The following PAH variants were observed in gnomAD, a reference collection of about 807,000 sequenced individuals.
PAH encodes phenylalanine-4-hydroxylase.
A neutral mutation model predicts 62.0 loss-of-function variants in PAH; 64 were observed. That is an observed-to-expected ratio of 1.03 (90% confidence interval 0.84 to 1.27). The LOEUF (loss-of-function observed/expected upper bound fraction) is 1.27. PAH is among the 50% of genes most tolerant of loss of function. PAH has a pLI of 0.00. For synonymous variants in PAH, 195 were observed against 196.2 expected, an observed-to-expected ratio of 0.99 and a Z score of 0.05; for missense variants, 579 against 542.8, an observed-to-expected ratio of 1.07 and a Z score of -0.66.
At chr12:102,924,440 T>TA (rs1277931650) in intron 1 of PAH, among the ~76,000 whole-genome samples, 1 of 152,174 alleles carries the variant, frequency 6.6e-6, no homozygotes, top group Non-Finnish European at 1.5e-5. Flanking sequence ...ATGGAGATGT[T>TA]AGAGACAATT....
chr12:102,876,323 C>T (rs1223603916), intron 4 of PAH, among the ~76,000 whole-genome samples: 1 of 152,144 alleles, frequency 6.6e-6, no homozygotes, highest in Admixed American at 6.5e-5. Flanking sequence ...TGTAAAAGAG[C>T]CTGGATTTCT....
At chr12:102,846,046 C>A (rs1373402566) in intron 9 of PAH, among the ~76,000 whole-genome samples, 4 of 152,110 alleles carry the variant, frequency 2.6e-5, no homozygotes, top group Admixed American at 1.3e-4. Flanking sequence ...AACCCATGTT[C>A]ACAAAAATTT....
At chr12:102,846,866 C>T (rs751791725) in intron 9 of PAH, 29 bp downstream of exon 9, 7 of 1,594,954 alleles carry the variant, frequency 4.4e-6, no homozygotes, top group East Asian at 2.2e-5. Flanking sequence ...TAGCACTCCA[C>T]CATCCACCCA....
intron 3 of PAH, among the ~76,000 whole-genome samples, chr12:102,890,196 T>C (rs1383373117): frequency 6.6e-6 from 1 of 152,156 alleles, no homozygotes; most frequent in Non-Finnish European, 1.5e-5. Flanking sequence ...TGGAAAGTAG[T>C]TTAGCTTAAT....
At chr12:102,843,606 G>A (rs1254449799) in intron 11 of PAH, 40 bp downstream of exon 11, 2 of 1,612,046 alleles carry the variant, frequency 1.2e-6, no homozygotes, top group Non-Finnish European at 8.5e-7. Context: ...CCAGTCAGGA[G>A]GCCCCCAGAG....
At chr12:102,948,825 G>A (rs1879610887) in intron 1 of PAH, among the ~76,000 whole-genome samples, 1 of 152,136 alleles carries the variant, frequency 6.6e-6, no homozygotes, top group Non-Finnish European at 1.5e-5. Flanking sequence ...TGGTGGGTCT[G>A]GGATAAAGCT....
At chr12:102,866,130 C>A (rs1395995134) in intron 5 of PAH, among the ~76,000 whole-genome samples, 3 of 151,034 alleles carry the variant, frequency 2.0e-5, no homozygotes, top group Non-Finnish European at 2.9e-5. Flanking sequence ...CTGGGTCAGA[C>A]CAGATAAAAG....
At chr12:102,888,181 A>G (rs1360064250) in intron 3 of PAH, among the ~76,000 whole-genome samples, 1 of 152,092 alleles carries the variant, frequency 6.6e-6, no homozygotes, top group Admixed American at 6.6e-5. Context: ...TGCAAATTAT[A>G]TCATATAATC....
At chr12:102,895,057 A>G (rs1467810412) in intron 2 of PAH, 139 bp from the exon 3 acceptor site, 3 of 721,030 alleles carry the variant, frequency 4.2e-6, no homozygotes, top group Admixed American at 2.6e-5. Context: ...AGTATAAAAA[A>G]GTCCTTAAAT....
At position 102,843,648 on chromosome 12, in the gene PAH, T is replaced by A. The variant is rs199475584; in HGVS notation, c.1197A>T (p.Val399=). The part of the protein sequence containing the change: ...AESFNDAKEK[V]RNFAATIPRP... ...GCTCACCTTTGTCACCACCTCACCT[T>A]ACTTTCTCCTTGGCATCATTAAAAC... is the stretch of plus-strand genomic sequence containing the variant. The change falls in exon 11 of 13, where the codon GTA becomes GTT. Residue 399 remains valine (V), a splice_region_variant and synonymous_variant. Transcript: ENST00000553106. The A allele has an allele frequency of 3.1e-6, 5 of 1,613,552 alleles. No individual in the cohort carries two copies. In the East Asian group the frequency reaches 1.1e-4, roughly 36 times the overall value.
upstream of PAH, among the ~76,000 whole-genome samples, chr12:102,918,366 G>A (rs1878463498): frequency 6.6e-6 from 1 of 152,074 alleles, no homozygotes; most frequent in African/African-American, 2.4e-5. Context: ...GAAAGTAATG[G>A]GCTGTAAGAA....
intron 1 of PAH, among the ~76,000 whole-genome samples, chr12:102,926,683 T>TA: frequency 6.6e-6 from 1 of 152,050 alleles, no homozygotes; most frequent in East Asian, 1.9e-4. Context: ...GAACCACAAT[T>TA]AAAAACAAAA....
chr12:102,927,085 A>C (rs1878702916), intron 1 of PAH, among the ~76,000 whole-genome samples: 1 of 152,046 alleles, frequency 6.6e-6, no homozygotes, highest in South Asian at 2.1e-4. Flanking sequence ...TGTCATTAGG[A>C]ATAGAAGACA....
intron 6 of PAH, among the ~76,000 whole-genome samples, chr12:102,854,141 C>T (rs1015120334): frequency 6.6e-6 from 1 of 152,182 alleles, no homozygotes; most frequent in East Asian, 1.9e-4. Flanking sequence ...TGGACCCTTA[C>T]TCCCTTCTTT....
At chr12:102,931,741 G>A (rs1347777888) in intron 1 of PAH, among the ~76,000 whole-genome samples, 1 of 151,978 alleles carries the variant, frequency 6.6e-6, no homozygotes, top group African/African-American at 2.4e-5. Flanking sequence ...CTTTTTCCTT[G>A]CCCTCTTGCG....
rs868792888 is a variant in PAH, at chr12:102,855,120, C to T, written c.706+16G>A. ...CCCAACTTTCTGCAGGGCCATTGAC[C>T]CTGATGTGGACTTACTCTGCAGGAA... On this transcript the variant is annotated intron_variant, in intron 6 of 12. Coordinates refer to ENST00000553106, the MANE Select transcript of PAH (RefSeq NM_000277.3). 1 of 1,608,916 alleles carries T rather than the reference C, an allele frequency of 6.2e-7. No homozygotes were observed. Among genetic ancestry groups the T allele is most frequent in the Admixed American group, 1.7e-5 (1 of 60,026 alleles).
At chr12:102,839,525 T>C (rs144199920) in intron 12 of PAH, among the ~76,000 whole-genome samples, 9 of 152,336 alleles carry the variant, frequency 5.9e-5, no homozygotes, top group African/African-American at 2.2e-4. Context: ...CTGCATATGC[T>C]ACAAGAAGCG....
intron 2 of PAH, among the ~76,000 whole-genome samples, chr12:102,901,306 C>G (rs1300492103): frequency 6.6e-6 from 1 of 152,124 alleles, no homozygotes; most frequent in African/African-American, 2.4e-5. Flanking sequence ...TACTCACTAC[C>G]TTTGGATATA....
At position 102,863,538 on chromosome 12, in the gene PAH, T is replaced by C. The variant is rs372692849; in HGVS notation, c.509+3058A>G. 5.9e-5 allele frequency among the ~76,000 whole-genome samples: 9 copies of C among 152,298 alleles called. No homozygotes were observed. In the South Asian group the frequency reaches 1.2e-3, roughly 21 times the overall value. On this transcript the variant is annotated intron_variant, in intron 5 of 12. Transcript: ENST00000553106. ...TGTGCCTGGCTGAGAGATGGGACTATGTCCTAATCAGAGTCAGTGGACTCA... is the reference window on the plus strand; with the variant it reads ...TGTGCCTGGCTGAGAGATGGGACTACGTCCTAATCAGAGTCAGTGGACTCA...
Sources: gnomAD v4.1 joint callset for allele counts (sites outside exome capture counted in the v4.1 genomes callset) on GRCh38, gnomAD v4.1.1 for gene constraint, MANE v1.5 for transcripts, NCBI Gene and HGNC (gene_info 2026-07-23, HGNC 2026-07-21) for gene names.